The following CTNNA2 variants were observed in gnomAD, a reference collection of about 807,000 sequenced individuals.
CTNNA2 encodes the protein catenin alpha 2.
CTNNA2 carries 42 observed loss-of-function variants against 101.0 expected under a neutral mutation model. That is an observed-to-expected ratio of 0.42 (90% CI 0.32 to 0.54). The LOEUF (loss-of-function observed/expected upper bound fraction) is 0.54. Ranked by LOEUF, CTNNA2 falls within the 20% of genes least tolerant of loss-of-function variation. The pLI, the probability that CTNNA2 is intolerant of heterozygous loss-of-function variation, is 0.14. For missense variants in CTNNA2, 871 were observed against 1,223.1 expected, an observed-to-expected ratio of 0.71 and a Z score of 4.29; for synonymous variants, 450 against 456.4, an observed-to-expected ratio of 0.99 and a Z score of 0.18.
rs561420940 is a variant in CTNNA2, at chr2:79,383,234, T to A, written c.-135+9221T>A. 5.5e-4 allele frequency among the ~76,000 whole-genome samples: 83 copies of A among 152,266 alleles called. 1 individual carries two copies. The highest frequency in any genetic ancestry group is 1.9e-3 in the African/African-American group (78 of 41,554). On this transcript the variant is annotated intron_variant, in intron 4 of 21. Coordinates refer to the CTNNA2 transcript ENST00000466387. ...TTAATACCTAAGAGACAAGGATAATTCACCAAAAATCTTAGATAATGACAT... is the reference window on the plus strand; with the variant it reads ...TTAATACCTAAGAGACAAGGATAATACACCAAAAATCTTAGATAATGACAT...
At chr2:80,156,920 T>C (rs1470500355) in intron 7 of CTNNA2, among the ~76,000 whole-genome samples, 1 of 152,196 alleles carries the variant, frequency 6.6e-6, no homozygotes, top group Non-Finnish European at 1.5e-5. Context: ...CAACATCTGA[T>C]GTTTTATCTT....
At chr2:79,754,262 G>A (rs947522040) in intron 3 of CTNNA2, among the ~76,000 whole-genome samples, 1 of 152,108 alleles carries the variant, frequency 6.6e-6, no homozygotes, top group Non-Finnish European at 1.5e-5. Context: ...GACAGAGCAT[G>A]ACAGAAAGTT....
chr2:79,744,956 A>G (rs974113530), intron 3 of CTNNA2, among the ~76,000 whole-genome samples: 2 of 152,216 alleles, frequency 1.3e-5, no homozygotes. Context: ...GTAAAGTATT[A>G]TAAGAGAATT....
intron 4 of CTNNA2, among the ~76,000 whole-genome samples, chr2:79,463,395 CAAA>C (rs10546803): frequency 8.3e-4 from 98 of 117,764 alleles, no homozygotes; most frequent in Middle Eastern, 9.1e-3. Context: ...GAGACTGTCT[CAAA>C]AAAAAAAAAA....
intron 4 of CTNNA2, among the ~76,000 whole-genome samples, chr2:79,494,438 G>A (rs1351003993): frequency 4.6e-5 from 7 of 152,120 alleles, no homozygotes; most frequent in African/African-American, 1.4e-4. Flanking sequence ...AATCAAGACA[G>A]TGTAGTACTG....
At chr2:79,532,904 C>T (rs1672830753) in intron 1 of CTNNA2, among the ~76,000 whole-genome samples, 1 of 152,068 alleles carries the variant, frequency 6.6e-6, no homozygotes, top group Non-Finnish European at 1.5e-5. Flanking sequence ...GTCCTGTGTT[C>T]CAGACTCAAG....
intron 9 of CTNNA2, among the ~76,000 whole-genome samples, chr2:80,423,722 G>C (rs1449045928): frequency 3.9e-5 from 6 of 152,094 alleles, no homozygotes; most frequent in Non-Finnish European, 8.8e-5. Flanking sequence ...AGGGACAGCA[G>C]AGCAGGCAAC....
chr2:79,626,598 T>A (rs1400335820), intron 1 of CTNNA2, among the ~76,000 whole-genome samples: 1 of 144,700 alleles, frequency 6.9e-6, no homozygotes, highest in Non-Finnish European at 1.5e-5. Flanking sequence ...TGCATGTATG[T>A]GTATGTGCGT....
intron 9 of CTNNA2, among the ~76,000 whole-genome samples, chr2:80,541,992 C>A (rs750644381): frequency 3.3e-5 from 5 of 151,042 alleles, no homozygotes; most frequent in African/African-American, 9.7e-5. Flanking sequence ...AAACTAATGG[C>A]GAATCTTGTT....
chr2:79,200,082 CTAATCCCATCATGAAGGTATCAGA>C (rs958996514), intron 2 of CTNNA2, among the ~76,000 whole-genome samples: 2 of 151,922 alleles, frequency 1.3e-5, no homozygotes, highest in African/African-American at 4.8e-5. Context: ...CATGGCAGTA[CTAATCCCATCATGAAGGTATCAGA>C]TTAAGAAAGT....
intron 3 of CTNNA2, among the ~76,000 whole-genome samples, chr2:79,831,193 A>G (rs1398549635): frequency 1.3e-5 from 2 of 152,146 alleles, no homozygotes; most frequent in African/African-American, 4.8e-5. Context: ...TTCTACCAGT[A>G]GATTAAGATT....
At chr2:79,218,185 G>A (rs1440793489) in intron 2 of CTNNA2, among the ~76,000 whole-genome samples, 2 of 152,172 alleles carry the variant, frequency 1.3e-5, no homozygotes, top group Admixed American at 1.3e-4. Flanking sequence ...CACAGAGCAG[G>A]CTGCCTGCTG....
At chr2:80,150,717 G>A (rs1225154336) in intron 7 of CTNNA2, among the ~76,000 whole-genome samples, 1 of 152,098 alleles carries the variant, frequency 6.6e-6, no homozygotes, top group Non-Finnish European at 1.5e-5. Flanking sequence ...ACTATTCCCT[G>A]TAATTGCCTA....
At chr2:79,380,357 C>T (rs548811089) in intron 4 of CTNNA2, among the ~76,000 whole-genome samples, 121 of 151,786 alleles carry the variant, frequency 8.0e-4, no homozygotes, top group African/African-American at 2.8e-3. Flanking sequence ...CATTACTCTC[C>T]GTCTGTGCCA....
rs567908272 is a variant in CTNNA2 at position 80,303,801 on chromosome 2, C to T, written c.1057-89410C>T. 1 of 1,514,276 alleles carries T rather than the reference C, an allele frequency of 6.6e-7. No individual in the cohort carries two copies. Among genetic ancestry groups the T allele is most frequent in the African/African-American group, 1.4e-5 (1 of 71,854 alleles). The allele number at this position is 1,514,276 out of a possible 1,614,324, so 93.8% of individuals were successfully genotyped here. On this transcript the variant is annotated intron_variant, in intron 7 of 18. Transcript: ENST00000402739. This position sits in a 1 kb window ranked among gnomAD's most constrained non-coding sequence, Gnocchi z 7.7. The stretch of plus-strand genomic sequence containing the variant: ...CTCAGCAGCCAGTATAGACAGAGAC[C>T]GAGCAGCAGGAAATCCATTAGCGAG...
intron 9 of CTNNA2, among the ~76,000 whole-genome samples, chr2:80,472,843 G>T (rs1212984833): frequency 1.3e-5 from 2 of 152,082 alleles, no homozygotes; most frequent in African/African-American, 4.8e-5. Context: ...GGTATCACTG[G>T]TTTATTATTT....
chr2:79,898,750 T>C (rs1389982051), intron 6 of CTNNA2, among the ~76,000 whole-genome samples: 1 of 152,154 alleles, frequency 6.6e-6, no homozygotes. Context: ...CATCTGATAT[T>C]TGAGGTGATG....
chr2:79,979,175 C>T (rs926150549), intron 7 of CTNNA2, among the ~76,000 whole-genome samples: 15 of 152,008 alleles, frequency 9.9e-5, no homozygotes, highest in Non-Finnish European at 1.9e-4. Flanking sequence ...CACATCAGTC[C>T]AGGATTTTGA....
intron 2 of CTNNA2, among the ~76,000 whole-genome samples, chr2:79,737,281 A>G (rs1214101573): frequency 2.0e-5 from 3 of 151,526 alleles, no homozygotes; most frequent in Non-Finnish European, 2.9e-5. Context: ...CTCAGGAGAT[A>G]GAGGTTGCGG....
Sources: gnomAD v4.1 joint callset for allele counts (sites outside exome capture counted in the v4.1 genomes callset) on GRCh38, gnomAD v4.1.1 for gene constraint, Gnocchi (gnomAD v3.1) non-coding constraint, MANE v1.5 for transcripts, NCBI Gene and HGNC (gene_info 2026-07-23, HGNC 2026-07-21) for gene names.